MFSD11: variants seen among roughly 807,000 people sequenced by gnomAD.
MFSD11 encodes the protein UNC93-like protein MFSD11.
MFSD11 carries 36 observed loss-of-function variants against 53.5 expected under a neutral mutation model. That is an observed-to-expected ratio of 0.67 (90% CI 0.52 to 0.89). The LOEUF is 0.89. Ranked by LOEUF, MFSD11 falls within the 40% of genes least tolerant of loss-of-function variation. The pLI is 0.00. For synonymous variants in MFSD11, 186 were observed against 184.9 expected, an observed-to-expected ratio of 1.01 and a Z score of -0.05; for missense variants, 530 against 543.9, an observed-to-expected ratio of 0.97 and a Z score of 0.25.
Position 76,744,427 on chromosome 17 carries a change from A to G in MFSD11, c.602A>G (p.Glu201Gly). The G allele has an allele frequency of 1.2e-6, 2 of 1,613,892 alleles. No homozygotes were observed. Among genetic ancestry groups the G allele is most frequent in the South Asian group, 2.2e-5 (2 of 91,056 alleles). Reference sequence around the variant, plus strand: ...CCAGATTCTGAAAATGTCCTAGGAGAAGATGAGTCTTCTGATGACCAGGAC... The same window carrying G: ...CCAGATTCTGAAAATGTCCTAGGAGGAGATGAGTCTTCTGATGACCAGGAC... ...RKPDSENVLGEDESSDDQDME... is the reference protein window; with the variant it reads ...RKPDSENVLGGDESSDDQDME... Residue 201 changes from glutamate (E) to glycine (G), a missense_variant, in exon 7 of 13, where the codon GAA becomes GGA. Transcript: ENST00000685175.
downstream of MFSD11, among the ~76,000 whole-genome samples, chr17:76,786,402 A>G (rs1000196998): frequency 1.3e-5 from 2 of 152,124 alleles, no homozygotes; most frequent in Non-Finnish European, 2.9e-5. Flanking sequence ...TCGGCCTCCC[A>G]AAGTGCTGGG....
intron 8 of MFSD11, among the ~76,000 whole-genome samples, chr17:76,755,553 C>T (rs1357949484): frequency 6.6e-6 from 1 of 151,866 alleles, no homozygotes; most frequent in Non-Finnish European, 1.5e-5. Flanking sequence ...TCTAATCAGC[C>T]ATGGCCTGGC....
intron 7 of MFSD11, chr17:76,748,149 A>G (rs1166422740): frequency 6.6e-6 from 1 of 152,266 alleles, no homozygotes; most frequent in African/African-American, 2.4e-5. Flanking sequence ...CTGGTGAGAC[A>G]TGAAGGTCAG....
chr17:76,775,829 T>C (rs1271708967), intron 11 of MFSD11, among the ~76,000 whole-genome samples: 1 of 152,160 alleles, frequency 6.6e-6, no homozygotes, highest in Non-Finnish European at 1.5e-5. Flanking sequence ...AAAAGAAAAT[T>C]TGAAACACTT....
At chr17:76,793,614 A>T in the MFSD11 span, among the ~76,000 whole-genome samples, 2 of 151,666 alleles carry the variant, frequency 1.3e-5, no homozygotes, top group Non-Finnish European at 1.5e-5. Context: ...CAGGATTGAG[A>T]TTAAAGTAAA....
chr17:76,746,400 A>G (rs1006728780), intron 7 of MFSD11, among the ~76,000 whole-genome samples: 11 of 152,270 alleles, frequency 7.2e-5, no homozygotes, highest in African/African-American at 2.2e-4. Context: ...CAAGTTATCC[A>G]GAAGATCTGG....
chr17:76,780,515 G>GTGT (rs1246600355), downstream of MFSD11, among the ~76,000 whole-genome samples: 5 of 142,594 alleles, frequency 3.5e-5, no homozygotes, highest in Non-Finnish European at 6.0e-5. Flanking sequence ...TGTTGTGTAT[G>GTGT]TGTTTTTTTT....
chr17:76,742,501 C>CT (rs780975145), intron 5 of MFSD11, among the ~76,000 whole-genome samples: 7,830 of 144,012 alleles, frequency 0.054, 258 homozygotes, highest in South Asian at 0.08. Context: ...AGCATACTAA[C>CT]TTTTTTTTTT....
chr17:76,766,891 G>T, intron 8 of MFSD11: 1 of 153,248 alleles, frequency 6.5e-6, no homozygotes, highest in Non-Finnish European at 1.5e-5. Context: ...TATGCACAAT[G>T]CAAGTTTCAG....
At chr17:76,794,027 A>C in the MFSD11 span, among the ~76,000 whole-genome samples, 1 of 151,480 alleles carries the variant, frequency 6.6e-6, no homozygotes, top group East Asian at 1.9e-4. Context: ...GGAACAATGC[A>C]GCAGCCTTGC....
At chr17:76,753,219 A>G (rs1327051560) in intron 7 of MFSD11, among the ~76,000 whole-genome samples, 1 of 152,220 alleles carries the variant, frequency 6.6e-6, no homozygotes, top group Non-Finnish European at 1.5e-5. Context: ...GATGAATGAA[A>G]GCTAACTTCA....
chr17:76,746,429 G>A (rs998236240), intron 7 of MFSD11, among the ~76,000 whole-genome samples: 1 of 152,206 alleles, frequency 6.6e-6, no homozygotes, highest in Non-Finnish European at 1.5e-5. Flanking sequence ...ATTGACAAAC[G>A]TAGCTGCACT....
chr17:76,753,047 A>AG (rs398120030), intron 7 of MFSD11: 3 of 150,878 alleles, frequency 2.0e-5, no homozygotes, highest in Non-Finnish European at 4.4e-5. Context: ...AAAAAAAAAA[A>AG]TCTTGTCACA....
the MFSD11 span, among the ~76,000 whole-genome samples, chr17:76,788,668 G>A: frequency 6.7e-6 from 1 of 148,914 alleles, no homozygotes; most frequent in Non-Finnish European, 1.5e-5. Flanking sequence ...TGGCCAACAT[G>A]GCAAAACCCC....
the MFSD11 span, among the ~76,000 whole-genome samples, chr17:76,787,052 G>A: frequency 1.1e-4 from 17 of 151,388 alleles, no homozygotes; most frequent in African/African-American, 4.1e-4. Flanking sequence ...GTTCTCAAGG[G>A]TTCTCATGTC....
At chr17:76,794,705 T>G in the MFSD11 span, among the ~76,000 whole-genome samples, 2,200 of 90,148 alleles carry the variant, frequency 0.024, 228 homozygotes, top group African/African-American at 0.07. Context: ...TTTTTTTTTT[T>G]GTTTTGAGAT....
chr17:76,737,219 G>A (rs1341531246), upstream of MFSD11: 2 of 1,470,952 alleles, frequency 1.4e-6, no homozygotes, highest in Non-Finnish European at 9.0e-7. Context: ...AGCTCTGGGC[G>A]GTGCGACGCC....
chr17:76,750,250 A>G (rs1259642511), intron 7 of MFSD11, among the ~76,000 whole-genome samples: 2 of 152,170 alleles, frequency 1.3e-5, no homozygotes, highest in African/African-American at 2.4e-5. Context: ...AAATGAGGGT[A>G]CTACCAAATG....
chr17:76,795,483 C>T, the MFSD11 span, among the ~76,000 whole-genome samples: 7 of 150,972 alleles, frequency 4.6e-5, no homozygotes, highest in Non-Finnish European at 2.9e-5. Context: ...AACGAGACTC[C>T]ATCTCCCAAA....
Sources: gnomAD v4.1 joint callset for allele counts (sites outside exome capture counted in the v4.1 genomes callset) on GRCh38, gnomAD v4.1.1 for gene constraint, MANE v1.5 for transcripts, NCBI Gene and HGNC (gene_info 2026-07-23, HGNC 2026-07-21) for gene names.